The following TTC3 variants were observed in gnomAD, a reference collection of about 807,000 sequenced individuals.
TTC3 encodes tetratricopeptide repeat domain 3.
TTC3 carries 180 observed loss-of-function variants against 249.6 expected under a neutral mutation model. That is an observed-to-expected ratio of 0.72 (90% CI 0.64 to 0.82). TTC3 has a LOEUF of 0.82. Among genes scored for constraint, TTC3 ranks in the 40% least tolerant of loss-of-function variants. TTC3 has a pLI of 0.00. For synonymous variants in TTC3, 717 were observed against 805.0 expected, an observed-to-expected ratio of 0.89 and a Z score of 1.85; for missense variants, 2,061 against 2,398.4, an observed-to-expected ratio of 0.86 and a Z score of 2.94.
intron 35 of TTC3, among the ~76,000 whole-genome samples, chr21:37,179,471 A>T (rs1463277564): frequency 6.6e-6 from 1 of 152,150 alleles, no homozygotes; most frequent in African/African-American, 2.4e-5. Context: ...CTTTGAGTAC[A>T]CTAAGTCCAA....
rs2080125148 is a variant in TTC3, at chr21:37,156,720, A to G, written c.2806A>G (p.Ile936Val). Residue 936 changes from isoleucine (I) to valine (V), a missense_variant, in exon 28 of 46, where the codon ATC (isoleucine) becomes GTC (valine). Ile to Val is a conservative substitution (Grantham distance 29). Around this residue, in one of 3 missense-constraint regions of TTC3, gnomAD observed 989 missense variants for 1,145.1 expected, o/e 0.86. Coordinates refer to ENST00000355666, the Ensembl canonical transcript of TTC3. ...ATCTCTTAAACTGCTTGATTTTAGTATCATGACTTTCCTCTGGAATGAGAA... is the reference window on the plus strand; with the variant it reads ...ATCTCTTAAACTGCTTGATTTTAGTGTCATGACTTTCCTCTGGAATGAGAA... 5 of 1,614,090 alleles carry G rather than the reference A, an allele frequency of 3.1e-6. No homozygotes were observed. Among genetic ancestry groups the G allele is most frequent in the Non-Finnish European group, 4.2e-6 (5 of 1,179,980 alleles).
chr21:37,102,134 T>C (rs2074575207), intron 10 of TTC3, among the ~76,000 whole-genome samples: 2 of 152,126 alleles, frequency 1.3e-5, no homozygotes, highest in Admixed American at 1.3e-4. Flanking sequence ...AAAGAACATA[T>C]CATTTTAATT....
intron 18 of TTC3, among the ~76,000 whole-genome samples, 171 bp from the exon 19 acceptor site, chr21:37,138,463 C>A (rs541910566): frequency 6.6e-6 from 1 of 152,168 alleles, no homozygotes; most frequent in African/African-American, 2.4e-5. Context: ...GAACAAAAAT[C>A]TCTTTTCTAA....
At chr21:37,175,890 C>T (rs1215816660) in intron 35 of TTC3, among the ~76,000 whole-genome samples, 2 of 115,246 alleles carry the variant, frequency 1.7e-5, no homozygotes, top group South Asian at 3.4e-4. Flanking sequence ...CTGCCTCAGC[C>T]TCCTGGGTAG....
At chr21:37,147,025 C>T (rs2079041678) in intron 21 of TTC3, among the ~76,000 whole-genome samples, 1 of 152,114 alleles carries the variant, frequency 6.6e-6, no homozygotes, top group South Asian at 2.1e-4. Context: ...AGGGAGTCCA[C>T]AAACAACAGT....
At chr21:37,153,209 A>G in exon 27 of TTC3, 1 of 1,614,148 alleles carries the variant, frequency 6.2e-7, no homozygotes, top group Non-Finnish European at 8.5e-7. Flanking sequence ...ATATTTCTGC[A>G]TGTTTTGAGT....
chr21:37,145,869 A>G (rs139454954), intron 21 of TTC3, among the ~76,000 whole-genome samples: 13 of 152,238 alleles, frequency 8.5e-5, no homozygotes, highest in African/African-American at 2.4e-4. Context: ...CAGGGAGGGA[A>G]TTAATCTGTT....
intron 7 of TTC3, 88 bp from the exon 8 acceptor site, chr21:37,093,915 CCT>C: frequency 1.3e-6 from 1 of 797,890 alleles, no homozygotes; most frequent in South Asian, 1.6e-5. Context: ...TGTGGACTCA[CCT>C]AACTCAAGAA....
At chr21:37,152,871 A>G (rs1314997272) in intron 26 of TTC3, 80 bp from the exon 27 acceptor site, 2 of 1,115,656 alleles carry the variant, frequency 1.8e-6, no homozygotes, top group Non-Finnish European at 1.2e-6. Context: ...ATTTTATATT[A>G]TGTAATTTTG....
intron 1 of TTC3, 25 bp downstream of exon 1, chr21:37,073,498 C>T (rs951882423): frequency 2.0e-6 from 2 of 985,264 alleles, no homozygotes; most frequent in African/African-American, 3.5e-5. Flanking sequence ...GTGCGCGTCT[C>T]CTCGCGTCCC....
intron 39 of TTC3, among the ~76,000 whole-genome samples, chr21:37,190,036 G>A (rs2148195013): frequency 6.6e-6 from 1 of 151,586 alleles, no homozygotes; most frequent in Non-Finnish European, 1.5e-5. Flanking sequence ...GATCCTTCCT[G>A]GTGCTTGCCT....
At chr21:37,163,312 A>C (rs1327069665) in intron 31 of TTC3, among the ~76,000 whole-genome samples, 1 of 152,214 alleles carries the variant, frequency 6.6e-6, no homozygotes, top group Non-Finnish European at 1.5e-5. Context: ...GTCCACACTC[A>C]AACTACTACA....
chr21:37,189,579 G>A (rs905041961), intron 39 of TTC3, among the ~76,000 whole-genome samples: 5 of 151,108 alleles, frequency 3.3e-5, no homozygotes, highest in Admixed American at 2.0e-4. Flanking sequence ...ATGGAGTCTC[G>A]CTCTGTCGCC....
At chr21:37,147,559 G>A in exon 22 of TTC3, 2 of 1,611,444 alleles carry the variant, frequency 1.2e-6, no homozygotes, top group South Asian at 1.1e-5. Context: ...GAAGTGCCAT[G>A]GATATTCTAA....
chr21:37,184,836 C>A (rs3787794), intron 36 of TTC3, among the ~76,000 whole-genome samples: 26,334 of 152,010 alleles, frequency 0.17, 2,588 homozygotes, highest in Non-Finnish European at 0.22. Flanking sequence ...TAAGTAAAAT[C>A]TTTAAACTTT....
At chr21:37,132,752 A>G (rs560801991) in exon 17 of TTC3, 64 of 1,606,566 alleles carry the variant, frequency 4.0e-5, no homozygotes, top group Non-Finnish European at 5.1e-5. Context: ...TAAATCTTCC[A>G]GAGCTGCACA....
chr21:37,075,460 G>C (rs1253823998), intron 1 of TTC3, among the ~76,000 whole-genome samples: 1 of 152,328 alleles, frequency 6.6e-6, no homozygotes, highest in East Asian at 1.9e-4. Context: ...GGCTATGTGC[G>C]TCTTCAATTT....
intron 1 of TTC3, 114 bp downstream of exon 1, chr21:37,073,587 G>C: frequency 1.2e-6 from 1 of 807,940 alleles, no homozygotes; most frequent in Non-Finnish European, 1.5e-6. Flanking sequence ...CTACCCCAGT[G>C]GGTTTGCCCC....
exon 42 of TTC3, chr21:37,195,766 T>G: frequency 6.2e-7 from 1 of 1,614,206 alleles, no homozygotes; most frequent in African/African-American, 1.3e-5. Flanking sequence ...CACGCAGCAC[T>G]TCACAGGGAT....
Sources: gnomAD v4.1 joint callset for allele counts (sites outside exome capture counted in the v4.1 genomes callset) on GRCh38, gnomAD v4.1.1 for gene constraint, gnomAD v4.1.1 regional missense constraint, MANE v1.5 for transcripts, NCBI Gene and HGNC (gene_info 2026-07-23, HGNC 2026-07-21) for gene names.